Variants in CNTN1 observed in about 807,000 individuals in gnomAD.
CNTN1 encodes the protein contactin-1.
A neutral mutation model predicts 126.4 loss-of-function variants in CNTN1; 38 were observed. That is an observed-to-expected ratio of 0.30 (90% CI 0.23 to 0.39). The LOEUF is 0.39. CNTN1 is among the 10% of genes least tolerant of loss of function. CNTN1 has a pLI of 1.00. For missense variants in CNTN1, 1,009 were observed against 1,248.4 expected (o/e 0.81, Z 2.89); for synonymous variants, 413 against 422.6 (o/e 0.98, Z 0.28).
rs1949831252 is a variant in CNTN1 at position 41,057,019 on chromosome 12, TG to T, written c.2981-12939del. Among the ~76,000 whole-genome samples, 4 of 63,398 alleles carry T rather than the reference TG, an allele frequency of 6.3e-5. 1 individual carries two copies. Among genetic ancestry groups the T allele is most frequent in the Non-Finnish European group, 1.1e-4 (4 of 36,978 alleles). 41.6% of individuals were successfully genotyped at this position (63,398 alleles called of 152,430 possible). ...TTATAAATATTTAGATATTTATAAATGATATTTATAAATATTATAAATATTT... is the reference window on the plus strand; with the variant it reads ...TTATAAATATTTAGATATTTATAAATATATTTATAAATATTATAAATATTT... On this transcript the variant is annotated intron_variant, in intron 23 of 23. Coordinates refer to ENST00000551295, the MANE Select transcript of CNTN1 (RefSeq NM_001843.4).
chr12:40,993,348 G>T, intron 17 of CNTN1, 79 bp downstream of exon 17: 1 of 1,209,838 alleles, frequency 8.3e-7, no homozygotes, highest in Non-Finnish European at 1.2e-6. Context: ...GAATGTATTT[G>T]AAAATAATGC....
At chr12:40,697,224 C>A (rs187242926) in intron 1 of CNTN1, among the ~76,000 whole-genome samples, 1 of 152,284 alleles carries the variant, frequency 6.6e-6, no homozygotes, top group East Asian at 1.9e-4. Flanking sequence ...CAGATTTATT[C>A]TCTACCAGTG....
At chr12:41,035,190 A>C (rs1949228837) in intron 23 of CNTN1, among the ~76,000 whole-genome samples, 2 of 152,210 alleles carry the variant, frequency 1.3e-5, no homozygotes, top group African/African-American at 4.8e-5. Flanking sequence ...ACTCAGAAAT[A>C]ATTTTGCTGA....
chr12:40,953,386 T>C (rs768369298), intron 14 of CNTN1, among the ~76,000 whole-genome samples: 1 of 152,172 alleles, frequency 6.6e-6, no homozygotes, highest in Non-Finnish European at 1.5e-5. Context: ...TTACTTGCTT[T>C]GTAAGCGTTC....
At chr12:40,845,510 A>AT (rs1178690873) in intron 1 of CNTN1, among the ~76,000 whole-genome samples, 6 of 152,238 alleles carry the variant, frequency 3.9e-5, no homozygotes, top group Non-Finnish European at 8.8e-5. Flanking sequence ...CTATTAGACT[A>AT]TTAAAAAATA....
At chr12:41,037,990 T>A (rs1949304515) in intron 23 of CNTN1, among the ~76,000 whole-genome samples, 1 of 152,038 alleles carries the variant, frequency 6.6e-6, no homozygotes, top group African/African-American at 2.4e-5. Flanking sequence ...AAACCCCATC[T>A]CTACTAAAAA....
intron 16 of CNTN1, among the ~76,000 whole-genome samples, chr12:40,984,583 T>C (rs1417127194): frequency 6.6e-6 from 1 of 152,178 alleles, no homozygotes; most frequent in East Asian, 1.9e-4. Flanking sequence ...TCACTCATTA[T>C]TGGAAGAAAG....
intron 1 of CNTN1, among the ~76,000 whole-genome samples, chr12:40,826,560 C>T (rs1347274302): frequency 6.6e-6 from 1 of 152,202 alleles, no homozygotes; most frequent in African/African-American, 2.4e-5. Context: ...TCAAGTGCAA[C>T]TGTCTTCTCT....
At chr12:40,848,610 T>C (rs1565826660) in intron 1 of CNTN1, among the ~76,000 whole-genome samples, 1 of 152,160 alleles carries the variant, frequency 6.6e-6, no homozygotes, top group Non-Finnish European at 1.5e-5. Context: ...TTTAAAACGA[T>C]ATAGATGTAA....
chr12:40,957,146 G>T (rs950299532), intron 14 of CNTN1, among the ~76,000 whole-genome samples: 3 of 151,926 alleles, frequency 2.0e-5, no homozygotes, highest in African/African-American at 7.3e-5. Flanking sequence ...AGAATTGATT[G>T]AAGAGTAAGA....
chr12:40,890,063 G>A (rs1254797674), intron 1 of CNTN1, among the ~76,000 whole-genome samples: 1 of 152,084 alleles, frequency 6.6e-6, no homozygotes, highest in African/African-American at 2.4e-5. Flanking sequence ...AGATACATGA[G>A]TGGTATATTC....
At chr12:40,759,520 C>T (rs116667015) in intron 1 of CNTN1, among the ~76,000 whole-genome samples, 313 of 150,814 alleles carry the variant, frequency 2.1e-3, no homozygotes, top group South Asian at 0.015. Context: ...GGCTGGAATG[C>T]GGTGAAATGC....
In CNTN1 at chr12:41,071,212, CAGG is replaced by C. The variant is rs1950153043; in HGVS notation, c.*1184_*1186del. ...TGAAGAGTATGCAAAACTGGAAGGCCAGGAGGAGGCAAATAATATGTCTTTCCG... is the reference window on the plus strand; with the variant it reads ...TGAAGAGTATGCAAAACTGGAAGGCCAGGAGGCAAATAATATGTCTTTCCG... On this transcript the variant is annotated 3_prime_UTR_variant, in exon 24 of 24. Transcript: ENST00000551295. The C allele has an allele frequency of 6.6e-6, 1 of 151,946 alleles. No individual in the cohort carries two copies. The highest frequency in any genetic ancestry group is 2.1e-4 in the South Asian group (1 of 4,812). 9.4% of individuals were successfully genotyped at this position (151,946 alleles called of 1,614,324 possible).
At chr12:40,974,655 CA>C (rs1482970898) in intron 15 of CNTN1, among the ~76,000 whole-genome samples, 2 of 152,062 alleles carry the variant, frequency 1.3e-5, no homozygotes, top group African/African-American at 2.4e-5. Context: ...AATTTGGTCT[CA>C]TGACAAATTG....
chr12:40,874,479 T>G (rs1390482531), intron 1 of CNTN1, among the ~76,000 whole-genome samples: 2 of 152,186 alleles, frequency 1.3e-5, no homozygotes, highest in South Asian at 4.1e-4. Context: ...TGTATATTAT[T>G]TTACAGATGT....
intron 14 of CNTN1, among the ~76,000 whole-genome samples, chr12:40,957,953 G>A (rs77510922): frequency 1.1e-3 from 173 of 152,124 alleles, no homozygotes; most frequent in Non-Finnish European, 2.1e-3. Flanking sequence ...GTTATTGGTA[G>A]AACCTATGGT....
At chr12:40,800,858 T>C (rs1262358669) in intron 1 of CNTN1, among the ~76,000 whole-genome samples, 1 of 151,906 alleles carries the variant, frequency 6.6e-6, no homozygotes. Context: ...CTGTGTTAGG[T>C]TGAGCATGAG....
In CNTN1 at chr12:40,924,523, A is replaced by G; in HGVS notation, c.401-34A>G. ...ATGTCTCTCTTTCTATTGACCAGAG[A>G]GTGAATGTTTCTCTTTTTTTCTTTC... On this transcript the variant is annotated intron_variant, in intron 5 of 23. Transcript: ENST00000551295. 2.8e-6 allele frequency: 3 copies of G among 1,089,448 alleles called. No homozygotes were observed. The African/African-American group carries it at 4.7e-5, about 17-fold the overall frequency. The allele number at this position is 1,089,448 out of a possible 1,614,324, so 67.5% of individuals were successfully genotyped here.
intron 3 of CNTN1, among the ~76,000 whole-genome samples, chr12:40,913,428 A>G (rs1945116445): frequency 1.3e-5 from 2 of 152,166 alleles, no homozygotes; most frequent in African/African-American, 2.4e-5. Flanking sequence ...TCACTGTAAC[A>G]CTGTAAATGT....
Sources: gnomAD v4.1 joint callset for allele counts (sites outside exome capture counted in the v4.1 genomes callset) on GRCh38, gnomAD v4.1.1 for gene constraint, MANE v1.5 for transcripts, NCBI Gene and HGNC (gene_info 2026-07-23, HGNC 2026-07-21) for gene names.